The following KCNN3 variants were observed in gnomAD, a reference collection of about 807,000 sequenced individuals.
KCNN3 encodes the protein small conductance calcium-activated potassium channel protein 3.
KCNN3 carries 16 observed loss-of-function variants against 62.9 expected under a neutral mutation model. That is an observed-to-expected ratio of 0.25 (90% CI 0.17 to 0.39). KCNN3 has a LOEUF of 0.39. Among genes scored for constraint, KCNN3 ranks in the 10% least tolerant of loss-of-function variants. The pLI is 1.00. For synonymous variants in KCNN3, 370 were observed against 389.2 expected, an observed-to-expected ratio of 0.95 and a Z score of 0.58; for missense variants, 599 against 949.4, an observed-to-expected ratio of 0.63 and a Z score of 4.85.
chr1:154,771,575 G>C (rs545083833), intron 3 of KCNN3, among the ~76,000 whole-genome samples: 2 of 152,242 alleles, frequency 1.3e-5, no homozygotes, highest in African/African-American at 4.8e-5. Context: ...ATTAAGAAAG[G>C]CTGAACCAAA....
intron 2 of KCNN3, among the ~76,000 whole-genome samples, chr1:154,777,607 T>A (rs1648845696): frequency 1.3e-5 from 2 of 152,190 alleles, no homozygotes; most frequent in African/African-American, 2.4e-5. Context: ...CTAGAGCAAG[T>A]CTGGAACCAG....
At chr1:154,830,957 G>T (rs1651358355) in intron 1 of KCNN3, among the ~76,000 whole-genome samples, 1 of 152,182 alleles carries the variant, frequency 6.6e-6, no homozygotes, top group African/African-American at 2.4e-5. Context: ...TCCTTTATAA[G>T]GTCTGGGCAG....
chr1:154,814,672 A>G lies in KCNN3; in HGVS notation c.1029+7417T>C, dbSNP rs539700385. Among the ~76,000 whole-genome samples the G allele has an allele frequency of 2.0e-5, 3 of 152,368 alleles. No individual in the cohort carries two copies. The East Asian group carries it at 5.8e-4, about 29-fold the overall frequency. On this transcript the variant is annotated intron_variant, in intron 2 of 7. Coordinates refer to ENST00000271915, the MANE Select transcript of KCNN3 (RefSeq NM_002249.6). ...GCGCTAGACAAGATGTGGCCACACC[A>G]TCGTCTCTGAGGCGCTTGCTAATGT...
At chr1:154,752,455 T>C (rs943056105) in intron 3 of KCNN3, among the ~76,000 whole-genome samples, 3 of 152,180 alleles carry the variant, frequency 2.0e-5, no homozygotes, top group Non-Finnish European at 2.9e-5. Flanking sequence ...CAAGGGAACC[T>C]CGGAGAATGG....
At chr1:154,828,745 G>A (rs1651254023) in intron 1 of KCNN3, among the ~76,000 whole-genome samples, 1 of 152,198 alleles carries the variant, frequency 6.6e-6, no homozygotes, top group African/African-American at 2.4e-5. Flanking sequence ...GCATTCCCTT[G>A]TAGTCAAACA....
chr1:154,774,550 C>T lies in KCNN3; in HGVS notation c.1030-2157G>A, dbSNP rs549789631. 6.6e-5 allele frequency among the ~76,000 whole-genome samples: 10 copies of T among 152,370 alleles called. No homozygotes were observed. The South Asian group carries it at 1.9e-3, about 28-fold the overall frequency. On this transcript the variant is annotated intron_variant, in intron 2 of 7. Coordinates refer to ENST00000271915, the MANE Select transcript of KCNN3 (RefSeq NM_002249.6). ...ATCCGGGCATATGTTCGGTGTGGGC[C>T]TCCTGTGCAGGCACCTCACTTCTGG...
Position 154,725,955 on chromosome 1 carries a change from G to T in KCNN3, c.1662C>A (p.His554Gln). The T allele has an allele frequency of 6.2e-7, 1 of 1,614,114 alleles. No individual in the cohort carries two copies. Residue 554 changes from histidine (H) to glutamine (Q), a missense_variant, in exon 5 of 8, where the codon CAC (histidine) becomes CAA (glutamine). By Grantham distance (24) the His-to-Gln change is conservative. Around this residue, in one of 7 missense-constraint regions of KCNN3, gnomAD observed 288 missense variants for 557.4 expected, o/e 0.52. Coordinates refer to ENST00000271915, the MANE Select transcript of KCNN3 (RefSeq NM_002249.6). ...RKLELTKAEK[H>Q]VHNFMMDTQL... ...GAGTGTCCATCATGAAGTTATGAACGTGCTTCTCCGCTTTGGTGAGTTCCA... is the reference window on the plus strand; with the variant it reads ...GAGTGTCCATCATGAAGTTATGAACTTGCTTCTCCGCTTTGGTGAGTTCCA...
chr1:154,818,098 C>T (rs1005237947), intron 2 of KCNN3, among the ~76,000 whole-genome samples: 2 of 152,164 alleles, frequency 1.3e-5, no homozygotes, highest in African/African-American at 4.8e-5. Flanking sequence ...AAACAAAATG[C>T]ATTGCTTCTT....
rs1440179322 is a variant in KCNN3, at chr1:154,705,576, A to G, written c.*2400T>C. The stretch of plus-strand genomic sequence containing the variant: ...TTGGTCTTTAGGGTTTACCTAAGTG[A>G]GAGCATCAATGATGGGTTAAAGTCA... On this transcript the variant is annotated 3_prime_UTR_variant, in exon 8 of 8. Coordinates refer to ENST00000271915, the MANE Select transcript of KCNN3 (RefSeq NM_002249.6). The G allele has an allele frequency of 1.4e-4, 22 of 152,184 alleles. No individual in the cohort carries two copies. The highest frequency in any genetic ancestry group is 1.4e-3 in the Admixed American group (22 of 15,274). The allele number at this position is 152,184 out of a possible 1,614,324, so 9.4% of individuals were successfully genotyped here.
intron 2 of KCNN3, among the ~76,000 whole-genome samples, chr1:154,773,645 G>A (rs1287816625): frequency 6.6e-6 from 1 of 152,210 alleles, no homozygotes; most frequent in South Asian, 2.1e-4. Flanking sequence ...TGGTGTGTGG[G>A]AACCACCCCC....
At chr1:154,832,276 T>C (rs143804074) in intron 1 of KCNN3, among the ~76,000 whole-genome samples, 208 of 151,752 alleles carry the variant, frequency 1.4e-3, no homozygotes, top group African/African-American at 4.6e-3. Flanking sequence ...ACTCTTGTGG[T>C]GTCAAGAAGT....
intron 3 of KCNN3, among the ~76,000 whole-genome samples, chr1:154,755,767 G>T: frequency 2.0e-5 from 1 of 50,812 alleles, no homozygotes; most frequent in Non-Finnish European, 3.8e-5. Context: ...AGGAGGAGAG[G>T]TGGAGGAGGA....
In KCNN3 at chr1:154,699,558, T is replaced by C. The variant is rs1699808423; in HGVS notation, c.*8418A>G. On this transcript the variant is annotated 3_prime_UTR_variant, in exon 8 of 8. Transcript: ENST00000271915. ...CATTAATTTAGAACATAACTGTTTC[T>C]GGGTACATATCGAGTTATGGCGCCA... 6.6e-6 allele frequency: 1 copy of C among 152,210 alleles called. No homozygotes were observed. 9.4% of individuals were successfully genotyped at this position (152,210 alleles called of 1,614,324 possible).
chr1:154,721,351 G>C (rs1298133070), intron 5 of KCNN3, among the ~76,000 whole-genome samples: 4 of 145,240 alleles, frequency 2.8e-5, no homozygotes, highest in Non-Finnish European at 6.0e-5. Flanking sequence ...CCAGGCTGGA[G>C]TGCAGTGGCA....
intron 3 of KCNN3, among the ~76,000 whole-genome samples, chr1:154,763,604 G>A (rs188585089): frequency 3.9e-5 from 6 of 152,168 alleles, no homozygotes; most frequent in African/African-American, 1.2e-4. Context: ...TTACGTACAG[G>A]GTCATCATTG....
In KCNN3 at chr1:154,702,700, GATATATATATATATATATATATAT is replaced by G. The variant is rs67091748; in HGVS notation, c.*5252_*5275del. On this transcript the variant is annotated 3_prime_UTR_variant, in exon 8 of 8. Transcript: ENST00000271915. ...ACGTTGGCTGCTTCGATCTGATTCA[GATATATATATATATATATATATAT>G]ATATATATATATATATATATATATG... is the stretch of plus-strand genomic sequence containing the variant. The G allele has an allele frequency of 0.12, 5,084 of 43,162 alleles. 545 individuals are homozygous for G. Among genetic ancestry groups the G allele is most frequent in the African/African-American group, 0.28 (4,668 of 16,482 alleles). 2.7% of individuals were successfully genotyped at this position (43,162 alleles called of 1,614,324 possible). A position where few individuals can be genotyped will look rare whatever the true frequency, so the allele number is the denominator to read the frequency against.
chr1:154,724,731 T>A (rs934930664), intron 5 of KCNN3, among the ~76,000 whole-genome samples: 3 of 152,174 alleles, frequency 2.0e-5, no homozygotes, highest in Admixed American at 6.5e-5. Flanking sequence ...CAGATTTTCA[T>A]CTTCCATAAC....
chr1:154,864,367 G>C (rs1297773122), intron 1 of KCNN3, among the ~76,000 whole-genome samples: 1 of 152,272 alleles, frequency 6.6e-6, no homozygotes. Flanking sequence ...AGAGCCACTT[G>C]GCTAGCCAAG....
At chr1:154,782,682 CTG>C (rs1226946045) in intron 2 of KCNN3, among the ~76,000 whole-genome samples, 4 of 152,226 alleles carry the variant, frequency 2.6e-5, no homozygotes, top group Admixed American at 2.0e-4. Context: ...AAAAGCCAGA[CTG>C]TGGGCCGAGC....
Sources: gnomAD v4.1 joint callset for allele counts (sites outside exome capture counted in the v4.1 genomes callset) on GRCh38, gnomAD v4.1.1 for gene constraint, gnomAD v4.1.1 regional missense constraint, MANE v1.5 for transcripts, NCBI Gene and HGNC (gene_info 2026-07-23, HGNC 2026-07-21) for gene names.